The following PEPD variants were observed in gnomAD, a reference collection of about 807,000 sequenced individuals.
PEPD encodes the protein peptidase D.
In PEPD, 53 loss-of-function variants were observed where a neutral mutation model predicts 60.7. The ratio of observed to expected loss-of-function variants is 0.87; its 90% confidence interval spans 0.70 to 1.10. The LOEUF is 1.10. Ranked by LOEUF, PEPD falls within the 50% of genes least tolerant of loss-of-function variation. The pLI is 0.00. For missense variants in PEPD, 711 were observed against 711.9 expected (o/e 1.00, Z 0.01); for synonymous variants, 267 against 284.1 (o/e 0.94, Z 0.60).
At chr19:33,455,768 A>G (rs902815376) in intron 9 of PEPD, among the ~76,000 whole-genome samples, 1 of 147,162 alleles carries the variant, frequency 6.8e-6, no homozygotes, top group Non-Finnish European at 1.5e-5. Flanking sequence ...CCTGCCTTGG[A>G]CTCCCAAAGT....
chr19:33,417,774 C>A (rs1056248516), intron 9 of PEPD, among the ~76,000 whole-genome samples: 1 of 152,172 alleles, frequency 6.6e-6, no homozygotes, highest in African/African-American at 2.4e-5. Flanking sequence ...GCATCCTGTG[C>A]CAGGCTTTGA....
At chr19:33,497,173 A>G (rs1403073722) in intron 4 of PEPD, among the ~76,000 whole-genome samples, 4 of 152,234 alleles carry the variant, frequency 2.6e-5, no homozygotes, top group Non-Finnish European at 4.4e-5. Flanking sequence ...TCCTGGAGCC[A>G]TGGGCTCGTG....
intron 7 of PEPD, among the ~76,000 whole-genome samples, chr19:33,467,318 C>A (rs913729981): frequency 6.6e-5 from 10 of 151,960 alleles, no homozygotes; most frequent in Non-Finnish European, 1.5e-4. Flanking sequence ...AGACCACGGT[C>A]ACAGTCATCA....
chr19:33,478,589 C>A (rs1053529469), intron 6 of PEPD, among the ~76,000 whole-genome samples: 5 of 152,072 alleles, frequency 3.3e-5, no homozygotes, highest in Admixed American at 2.6e-4. Flanking sequence ...TAATTCATCA[C>A]TTACAAGGGA....
chr19:33,399,722 C>G (rs1196752748), intron 12 of PEPD, among the ~76,000 whole-genome samples: 1 of 152,222 alleles, frequency 6.6e-6, no homozygotes, highest in Non-Finnish European at 1.5e-5. Flanking sequence ...AGTCGACCGC[C>G]GAGCCATCAA....
intron 9 of PEPD, among the ~76,000 whole-genome samples, chr19:33,438,188 T>C (rs17760970): frequency 0.55 from 84,360 of 152,054 alleles, 23,999 homozygotes; most frequent in African/African-American, 0.63. Context: ...GTTTCTAGCA[T>C]GGACCCTCAG....
rs1266807126 is a variant in PEPD at position 33,506,008 on chromosome 19, CTCA to C, written c.330-5010_330-5008del. ...ACACCTTACACATCACTCACACACC[CTCA>C]TCATACCCTACACACTACACACACA... On this transcript the variant is annotated intron_variant, in intron 3 of 14. Coordinates refer to ENST00000244137, the MANE Select transcript of PEPD (RefSeq NM_000285.4). 2.7e-5 allele frequency among the ~76,000 whole-genome samples: 4 copies of C among 147,296 alleles called. No individual in the cohort carries two copies. The East Asian group carries it at 6.2e-4, about 23-fold the overall frequency.
At chr19:33,517,987 T>C (rs892081116) in intron 1 of PEPD, among the ~76,000 whole-genome samples, 3 of 149,060 alleles carry the variant, frequency 2.0e-5, no homozygotes, top group Admixed American at 6.7e-5. Flanking sequence ...GTGGAGCCAC[T>C]TCTAGACAGG....
intron 4 of PEPD, among the ~76,000 whole-genome samples, chr19:33,499,452 G>A (rs182823957): frequency 3.9e-5 from 6 of 152,326 alleles, no homozygotes; most frequent in African/African-American, 1.4e-4. Context: ...GCCCTGGGCT[G>A]TTGAGGTCAG....
chr19:33,483,025 T>C (rs911433583), intron 6 of PEPD, among the ~76,000 whole-genome samples: 2 of 152,198 alleles, frequency 1.3e-5, no homozygotes, highest in African/African-American at 4.8e-5. Context: ...TTTCAACATA[T>C]TTTAAAGGGC....
intron 9 of PEPD, among the ~76,000 whole-genome samples, chr19:33,456,955 C>T (rs1444551620): frequency 2.6e-5 from 4 of 151,638 alleles, no homozygotes; most frequent in African/African-American, 7.3e-5. Context: ...AACCTGCGTC[C>T]TCTGCATGCC....
intron 9 of PEPD, among the ~76,000 whole-genome samples, chr19:33,434,527 C>T (rs1340706330): frequency 4.6e-5 from 7 of 152,098 alleles, no homozygotes; most frequent in African/African-American, 1.7e-4. Flanking sequence ...GGGCATTCCT[C>T]CACTGCACCA....
chr19:33,430,351 C>T (rs1969241814), intron 9 of PEPD, among the ~76,000 whole-genome samples: 1 of 152,126 alleles, frequency 6.6e-6, no homozygotes, highest in Admixed American at 6.5e-5. Context: ...GTAGGGTTGA[C>T]GGTCGAAGTG....
At chr19:33,490,199 AG>A (rs1478285274) in intron 5 of PEPD, 142 bp from the exon 6 acceptor site, 2 of 683,102 alleles carry the variant, frequency 2.9e-6, no homozygotes, top group Non-Finnish European at 5.5e-6. Context: ...CCACCCAGCC[AG>A]GTAGCTCCAG....
rs142015238 is a variant in PEPD, at chr19:33,400,192, G to A, written c.967+1529C>T. On this transcript the variant is annotated intron_variant, in intron 12 of 14. Transcript: ENST00000244137. Reference sequence around the variant, plus strand: ...AGGCAGTGGGCGAGGGTGGGGGCAAGCTGGGGGGGCTGGACTATGACCTGG... The same window carrying A: ...AGGCAGTGGGCGAGGGTGGGGGCAAACTGGGGGGGCTGGACTATGACCTGG... 1.3e-4 allele frequency among the ~76,000 whole-genome samples: 20 copies of A among 152,336 alleles called. 1 individual carries two copies. Among genetic ancestry groups the A allele is most frequent in the African/African-American group, 4.8e-4 (20 of 41,586 alleles).
chr19:33,493,146 G>A, intron 5 of PEPD, 144 bp downstream of exon 5: 1 of 691,056 alleles, frequency 1.4e-6, no homozygotes, highest in Non-Finnish European at 2.6e-6. Flanking sequence ...AAGGCACTTG[G>A]ATAACAGGCG....
intron 9 of PEPD, among the ~76,000 whole-genome samples, chr19:33,458,185 T>C (rs1194601992): frequency 6.6e-6 from 1 of 150,788 alleles, no homozygotes; most frequent in Admixed American, 6.6e-5. Context: ...GTGGTGTGAA[T>C]GTGTATGGCT....
At chr19:33,478,180 G>C in intron 6 of PEPD, 90 bp from the exon 7 acceptor site, 1 of 824,122 alleles carries the variant, frequency 1.2e-6, no homozygotes, top group East Asian at 2.6e-5. Flanking sequence ...CACACGTGAT[G>C]CATTAAAGAG....
chr19:33,452,870 A>G (rs1303418497), intron 9 of PEPD, among the ~76,000 whole-genome samples: 3 of 152,244 alleles, frequency 2.0e-5, no homozygotes, highest in South Asian at 2.1e-4. Flanking sequence ...GCCAAGCCCT[A>G]TGCTTTCCAA....
Sources: gnomAD v4.1 joint callset for allele counts (sites outside exome capture counted in the v4.1 genomes callset) on GRCh38, gnomAD v4.1.1 for gene constraint, MANE v1.5 for transcripts, NCBI Gene and HGNC (gene_info 2026-07-23, HGNC 2026-07-21) for gene names.